Variants in DCC observed in about 807,000 individuals in gnomAD.
DCC encodes DCC netrin 1 receptor.
In DCC, 58 loss-of-function variants were observed where a neutral mutation model predicts 172.5. The observed-to-expected ratio is 0.34, with a 90% CI of 0.27 to 0.42. DCC has a LOEUF of 0.42. Among genes scored for constraint, DCC ranks in the 10% least tolerant of loss-of-function variants. The probability of loss-of-function intolerance (pLI) is 1.00; values close to 1 mark genes in which losing one functional copy is unlikely to be tolerated. For missense variants in DCC, 1,740 were observed against 1,791.0 expected, an observed-to-expected ratio of 0.97 and a Z score of 0.51; for synonymous variants, 709 against 644.5, an observed-to-expected ratio of 1.10 and a Z score of -1.52.
Position 53,132,779 on chromosome 18 carries a change from G to A in DCC, c.1262-24577G>A, listed in dbSNP as rs545240890. Reference sequence around the variant, plus strand: ...GCCAGGGTTCATCTTCCAAAAATAGGGGTAGCAATTCCAGAGTCCTCCACT... The same window carrying A: ...GCCAGGGTTCATCTTCCAAAAATAGAGGTAGCAATTCCAGAGTCCTCCACT... On this transcript the variant is annotated intron_variant, in intron 7 of 28. Coordinates refer to ENST00000442544, the MANE Select transcript of DCC (RefSeq NM_005215.4). 3.3e-5 allele frequency among the ~76,000 whole-genome samples: 5 copies of A among 152,136 alleles called. 1 individual carries two copies. In the South Asian group the frequency reaches 8.3e-4, roughly 25 times the overall value.
chr18:52,889,787 CAATGA>C (rs2039622234), intron 2 of DCC, among the ~76,000 whole-genome samples: 2 of 152,050 alleles, frequency 1.3e-5, no homozygotes, highest in African/African-American at 4.8e-5. Flanking sequence ...AAATATTCTG[CAATGA>C]AAAGGACCAG....
chr18:53,008,231 T>C (rs1268118181), intron 5 of DCC, among the ~76,000 whole-genome samples: 1 of 152,134 alleles, frequency 6.6e-6, no homozygotes, highest in Admixed American at 6.6e-5. Flanking sequence ...GATCACACTT[T>C]CATGTTTATT....
intron 7 of DCC, among the ~76,000 whole-genome samples, chr18:53,154,741 G>T (rs1016643118): frequency 6.6e-6 from 1 of 152,088 alleles, no homozygotes; most frequent in African/African-American, 2.4e-5. Context: ...GATGGGCTTC[G>T]GGTTTCCAGG....
intron 1 of DCC, among the ~76,000 whole-genome samples, chr18:52,529,385 G>A (rs1479679156): frequency 2.6e-5 from 4 of 152,162 alleles, no homozygotes; most frequent in African/African-American, 9.7e-5. Flanking sequence ...CCGCCTCCCG[G>A]GTTCACGCCA....
intron 1 of DCC, among the ~76,000 whole-genome samples, chr18:52,634,882 A>G (rs2034743604): frequency 6.6e-6 from 1 of 152,174 alleles, no homozygotes; most frequent in East Asian, 1.9e-4. Context: ...AAACTATACC[A>G]TAGTAAAATT....
intron 7 of DCC, among the ~76,000 whole-genome samples, chr18:53,125,214 C>G (rs922046100): frequency 1.3e-5 from 2 of 151,902 alleles, no homozygotes; most frequent in African/African-American, 4.8e-5. Flanking sequence ...TGGATTTTAC[C>G]GAAATAATAG....
At chr18:52,632,558 G>T (rs1287131499) in intron 1 of DCC, among the ~76,000 whole-genome samples, 2 of 152,168 alleles carry the variant, frequency 1.3e-5, no homozygotes, top group African/African-American at 4.8e-5. Context: ...CACGCAGGTA[G>T]CTGAGTAAAT....
intron 1 of DCC, among the ~76,000 whole-genome samples, chr18:52,345,866 A>G (rs563771161): frequency 6.6e-6 from 1 of 152,352 alleles, no homozygotes; most frequent in South Asian, 2.1e-4. Flanking sequence ...CCTCTCAGCC[A>G]ATATTATTGA....
intron 2 of DCC, among the ~76,000 whole-genome samples, chr18:52,815,760 T>G (rs1036989647): frequency 1.3e-5 from 2 of 152,228 alleles, no homozygotes; most frequent in African/African-American, 4.8e-5. Flanking sequence ...TAATAATGAT[T>G]TATTAGATAA....
chr18:52,597,522 CT>C (rs2033933531), intron 1 of DCC, among the ~76,000 whole-genome samples: 1 of 151,498 alleles, frequency 6.6e-6, no homozygotes, highest in African/African-American at 2.4e-5. Context: ...CAATTTTTTT[CT>C]GTTCAACCTT....
chr18:53,061,301 A>G (rs1301462003), intron 5 of DCC, among the ~76,000 whole-genome samples: 2 of 152,016 alleles, frequency 1.3e-5, no homozygotes, highest in African/African-American at 4.8e-5. Context: ...TTCTCCCTCT[A>G]TATTCCTAAT....
intron 1 of DCC, among the ~76,000 whole-genome samples, chr18:52,392,057 G>A (rs1029510856): frequency 8.5e-5 from 13 of 152,130 alleles, no homozygotes; most frequent in East Asian, 1.9e-4. Context: ...GTTATGAGGC[G>A]CACAGATTGC....
At chr18:53,253,872 C>G (rs1385712188) in intron 12 of DCC, among the ~76,000 whole-genome samples, 1 of 152,026 alleles carries the variant, frequency 6.6e-6, no homozygotes, top group Non-Finnish European at 1.5e-5. Flanking sequence ...GCATGCTATT[C>G]TACATGACTA....
At chr18:52,560,324 G>A (rs2144738447) in intron 1 of DCC, among the ~76,000 whole-genome samples, 1 of 152,292 alleles carries the variant, frequency 6.6e-6, no homozygotes, top group South Asian at 2.1e-4. Flanking sequence ...ATATAATTCT[G>A]TGTATCATGA....
intron 1 of DCC, among the ~76,000 whole-genome samples, chr18:52,469,006 T>A (rs1372422077): frequency 6.6e-6 from 1 of 151,730 alleles, no homozygotes; most frequent in Non-Finnish European, 1.5e-5. Flanking sequence ...TTTAGGCTTT[T>A]ACTCATCAGT....
intron 1 of DCC, among the ~76,000 whole-genome samples, chr18:52,586,572 G>T (rs951858740): frequency 9.9e-5 from 15 of 152,098 alleles, no homozygotes; most frequent in Non-Finnish European, 2.9e-5. Flanking sequence ...TCCTTCCTCT[G>T]GAACTAAGAT....
chr18:53,434,957 G>A (rs1055342249), intron 21 of DCC, among the ~76,000 whole-genome samples, 187 bp from the exon 22 acceptor site: 5 of 152,110 alleles, frequency 3.3e-5, no homozygotes, highest in African/African-American at 4.8e-5. Flanking sequence ...TTACTTTTGC[G>A]ACTTGTTTTT....
intron 12 of DCC, among the ~76,000 whole-genome samples, chr18:53,230,299 A>G (rs552163547): frequency 7.9e-5 from 12 of 152,248 alleles, no homozygotes; most frequent in Non-Finnish European, 1.6e-4. Context: ...AAGTAGAAGA[A>G]TTGCACAGTG....
chr18:53,259,136 C>T (rs2144677141), intron 12 of DCC, among the ~76,000 whole-genome samples: 1 of 152,226 alleles, frequency 6.6e-6, no homozygotes, highest in African/African-American at 2.4e-5. Flanking sequence ...CTGAATACAG[C>T]ATACTGATGG....
Sources: allele counts gnomAD v4.1 joint callset (sites outside exome capture counted in the v4.1 genomes callset), GRCh38; gene constraint gnomAD v4.1.1; transcripts MANE v1.5; gene names NCBI Gene and HGNC (gene_info 2026-07-23, HGNC 2026-07-21).